Variants in GRIA4 observed in about 807,000 individuals in gnomAD.
GRIA4 encodes the protein glutamate receptor 4.
A neutral mutation model predicts 104.0 loss-of-function variants in GRIA4; 34 were observed. The observed-to-expected ratio is 0.33, with a 90% confidence interval of 0.25 to 0.44. The LOEUF is 0.44. Ranked by LOEUF, GRIA4 falls within the 20% of genes least tolerant of loss-of-function variation. The probability of loss-of-function intolerance (pLI) is 1.00; values close to 1 mark genes in which losing one functional copy is unlikely to be tolerated. For synonymous variants in GRIA4, 386 were observed against 381.9 expected, an observed-to-expected ratio of 1.01 and a Z score of -0.13; for missense variants, 750 against 1,096.5, an observed-to-expected ratio of 0.68 and a Z score of 4.46.
At position 105,933,816 on chromosome 11, in the gene GRIA4, G is replaced by A. The variant is rs752319424; in HGVS notation, c.2141G>A (p.Arg714His). The A allele has an allele frequency of 1.1e-5, 17 of 1,613,252 alleles. No individual in the cohort carries two copies. Among genetic ancestry groups the A allele is most frequent in the South Asian group, 3.3e-5 (3 of 91,080 alleles). ...FTRTTAEGVARVRKSKGKFAF... is the reference protein window; with the variant it reads ...FTRTTAEGVAHVRKSKGKFAF... ...AGGACTACAGCTGAGGGAGTAGCTCGTGTCCGCAAATCCAAGGGCAAATTT... is the reference window on the plus strand; with the variant it reads ...AGGACTACAGCTGAGGGAGTAGCTCATGTCCGCAAATCCAAGGGCAAATTT... Residue 714 changes from arginine to histidine, a missense_variant, in exon 14 of 17, where the codon CGT becomes CAT. This residue lies in a region of GRIA4 where 272 missense variants were observed against 524.5 expected (regional missense o/e 0.52). Transcript: ENST00000282499.
At chr11:105,921,309 GTGTGT>G (rs1565343492) in intron 11 of GRIA4, among the ~76,000 whole-genome samples, 3 of 99,612 alleles carry the variant, frequency 3.0e-5, no homozygotes, top group Non-Finnish European at 4.3e-5. Context: ...ACACTTGGGT[GTGTGT>G]GTGTGTGTGT....
At chr11:105,611,134 T>C (rs754900991) in intron 2 of GRIA4, 49 bp downstream of exon 2, 2 of 1,325,800 alleles carry the variant, frequency 1.5e-6, no homozygotes, top group South Asian at 1.2e-5. Context: ...GTAGCAGATA[T>C]CCGAAAGTGA....
chr11:105,657,915 G>C, intron 3 of GRIA4, among the ~76,000 whole-genome samples: 1 of 151,602 alleles, frequency 6.6e-6, no homozygotes, highest in East Asian at 1.9e-4. Flanking sequence ...CAATTTTGCT[G>C]TGAACTTAAA....
chr11:105,802,166 G>A (rs888173789), intron 4 of GRIA4, among the ~76,000 whole-genome samples: 9 of 152,186 alleles, frequency 5.9e-5, no homozygotes, highest in Non-Finnish European at 1.3e-4. Flanking sequence ...TCTAGAGGCT[G>A]GTGGTGAGAG....
chr11:105,844,062 C>T (rs1282950266), intron 4 of GRIA4, among the ~76,000 whole-genome samples: 1 of 152,160 alleles, frequency 6.6e-6, no homozygotes, highest in Admixed American at 6.5e-5. Context: ...TACCTGATAT[C>T]CTAGTGTAAT....
intron 3 of GRIA4, among the ~76,000 whole-genome samples, chr11:105,643,276 G>C (rs1410090584): frequency 6.6e-6 from 1 of 152,038 alleles, no homozygotes; most frequent in East Asian, 1.9e-4. Context: ...CATTCTATCT[G>C]TTTTTTGCTT....
intron 3 of GRIA4, among the ~76,000 whole-genome samples, chr11:105,704,244 A>G (rs1241210461): frequency 6.6e-6 from 1 of 152,056 alleles, no homozygotes; most frequent in African/African-American, 2.4e-5. Context: ...TATAGGTTTT[A>G]TGAGTACTTT....
Position 105,979,779 on chromosome 11 carries a change from G to A in GRIA4, c.*40G>A, listed in dbSNP as rs1859185356. On this transcript the variant is annotated 3_prime_UTR_variant, in exon 17 of 17. Coordinates refer to ENST00000282499, the MANE Select transcript of GRIA4 (RefSeq NM_000829.4). ...ATTGAGTGCCTTAATTAAACTGTTGGTGACTGGTGGAAACGCAGCCCTGAG... is the reference window on the plus strand; with the variant it reads ...ATTGAGTGCCTTAATTAAACTGTTGATGACTGGTGGAAACGCAGCCCTGAG... The A allele has an allele frequency of 6.6e-7, 1 of 1,516,454 alleles. No homozygotes were observed. Among genetic ancestry groups the A allele is most frequent in the African/African-American group, 1.4e-5 (1 of 72,896 alleles). 93.9% of individuals were successfully genotyped at this position (1,516,454 alleles called of 1,614,324 possible).
At chr11:105,633,447 T>C (rs2135318435) in intron 3 of GRIA4, among the ~76,000 whole-genome samples, 1 of 152,326 alleles carries the variant, frequency 6.6e-6, no homozygotes, top group African/African-American at 2.4e-5. Context: ...CATAGCACAG[T>C]ATATTTGTTG....
chr11:105,705,015 T>TGAAGG (rs1382472505), intron 3 of GRIA4, among the ~76,000 whole-genome samples: 2 of 152,236 alleles, frequency 1.3e-5, no homozygotes, highest in Non-Finnish European at 2.9e-5. Flanking sequence ...AAAAGTGCAC[T>TGAAGG]TCAAAGTTTC....
intron 3 of GRIA4, among the ~76,000 whole-genome samples, chr11:105,671,268 T>C (rs935828506): frequency 3.3e-5 from 5 of 152,076 alleles, no homozygotes; most frequent in African/African-American, 7.2e-5. Flanking sequence ...CTTATTAAAA[T>C]AGATGAAGAA....
intron 4 of GRIA4, among the ~76,000 whole-genome samples, chr11:105,846,346 G>C (rs182097880): frequency 6.6e-6 from 1 of 152,138 alleles, no homozygotes; most frequent in Non-Finnish European, 1.5e-5. Flanking sequence ...AGGAGGAAGA[G>C]GTATTGATTA....
intron 4 of GRIA4, among the ~76,000 whole-genome samples, chr11:105,810,762 C>T (rs1943140375): frequency 6.6e-6 from 1 of 152,074 alleles, no homozygotes; most frequent in Non-Finnish European, 1.5e-5. Context: ...TCCCCCCACC[C>T]CACCCTAGCA....
intron 4 of GRIA4, among the ~76,000 whole-genome samples, chr11:105,839,891 A>G (rs1944332940): frequency 6.6e-6 from 1 of 152,104 alleles, no homozygotes; most frequent in Non-Finnish European, 1.5e-5. Flanking sequence ...TAACCATAAT[A>G]AACTTTTTCT....
chr11:105,962,594 A>C (rs1316490017), intron 14 of GRIA4, among the ~76,000 whole-genome samples: 1 of 152,140 alleles, frequency 6.6e-6, no homozygotes, highest in African/African-American at 2.4e-5. Context: ...TCTAGGCCCG[A>C]ATCAAATTCC....
intron 4 of GRIA4, among the ~76,000 whole-genome samples, chr11:105,849,118 G>A (rs967812212): frequency 2.6e-5 from 4 of 152,114 alleles, no homozygotes; most frequent in African/African-American, 7.2e-5. Context: ...CTTGAACCTG[G>A]GAGTCGGAGG....
At position 105,877,475 on chromosome 11, in the gene GRIA4, T is replaced by G. The variant is rs149951171; in HGVS notation, c.673-10044T>G. Among the ~76,000 whole-genome samples, 1,113 of 152,328 alleles carry G rather than the reference T, an allele frequency of 7.3e-3. 19 individuals are homozygous for G. The highest frequency in any genetic ancestry group is 0.025 in the African/African-American group (1,032 of 41,566). Reference sequence around the variant, plus strand: ...GGCCTATCTTGCTAGGTTGAGGTAGTTCTCCTGGATAATATCCTGAAGAGT... The same window carrying G: ...GGCCTATCTTGCTAGGTTGAGGTAGGTCTCCTGGATAATATCCTGAAGAGT... On this transcript the variant is annotated intron_variant, in intron 5 of 16. Coordinates refer to ENST00000282499, the MANE Select transcript of GRIA4 (RefSeq NM_000829.4).
chr11:105,625,796 A>G (rs1950871994), intron 3 of GRIA4, among the ~76,000 whole-genome samples: 1 of 151,990 alleles, frequency 6.6e-6, no homozygotes, highest in Non-Finnish European at 1.5e-5. Flanking sequence ...CTATGCTCAC[A>G]CTCTGCTCTT....
At chr11:105,737,342 T>C (rs1939015583) in intron 3 of GRIA4, among the ~76,000 whole-genome samples, 1 of 152,148 alleles carries the variant, frequency 6.6e-6, no homozygotes, top group Admixed American at 6.6e-5. Flanking sequence ...TCAATTATTA[T>C]ATTCTAGAAG....
Sources: gnomAD v4.1 joint callset for allele counts (sites outside exome capture counted in the v4.1 genomes callset) on GRCh38, gnomAD v4.1.1 for gene constraint, gnomAD v4.1.1 regional missense constraint, MANE v1.5 for transcripts, NCBI Gene and HGNC (gene_info 2026-07-23, HGNC 2026-07-21) for gene names.